Variants in WWOX observed in about 807,000 individuals in gnomAD.
The protein encoded by WWOX is WW domain-containing oxidoreductase.
WWOX carries 69 observed loss-of-function variants against 46.2 expected under a neutral mutation model. That is an observed-to-expected ratio of 1.49 (90% CI 1.23 to 1.82). The LOEUF is 1.82. WWOX is among the 40% of genes most tolerant of loss of function. The pLI is 0.00. For missense variants in WWOX, 919 were observed against 542.6 expected, an observed-to-expected ratio of 1.69 and a Z score of -6.89; for synonymous variants, 359 against 202.6, an observed-to-expected ratio of 1.77 and a Z score of -6.56.
chr16:79,009,856 C>T (rs1469136), intron 8 of WWOX, among the ~76,000 whole-genome samples: 2 of 152,102 alleles, frequency 1.3e-5, no homozygotes, highest in Non-Finnish European at 2.9e-5. Flanking sequence ...TCGACCTCAT[C>T]TGGGAAGGTG....
chr16:78,795,857 T>G (rs190362798), intron 8 of WWOX, among the ~76,000 whole-genome samples: 10 of 152,240 alleles, frequency 6.6e-5, no homozygotes, highest in Admixed American at 2.6e-4. Context: ...GAGTACCCAA[T>G]AAATGCAATA....
At chr16:78,235,111 A>G (rs1186431968) in intron 5 of WWOX, among the ~76,000 whole-genome samples, 1 of 152,168 alleles carries the variant, frequency 6.6e-6, no homozygotes, top group Admixed American at 6.5e-5. Context: ...ATGGAGGGAA[A>G]TATCATAAAT....
chr16:78,691,248 G>C (rs574735371), intron 8 of WWOX: 3 of 702,128 alleles, frequency 4.3e-6, no homozygotes, highest in African/African-American at 1.7e-5. Context: ...CCAGGTTTCA[G>C]ACTGCCTGGT....
intron 8 of WWOX, among the ~76,000 whole-genome samples, chr16:78,936,913 C>G (rs559493434): frequency 2.0e-5 from 3 of 152,188 alleles, no homozygotes; most frequent in African/African-American, 4.8e-5. Context: ...CCAAGAGAAG[C>G]AAGGAGTTTT....
intron 8 of WWOX, among the ~76,000 whole-genome samples, chr16:78,869,226 C>A (rs1038534710): frequency 6.6e-6 from 1 of 152,114 alleles, no homozygotes; most frequent in Admixed American, 6.6e-5. Context: ...GTCCAAGCCT[C>A]CCTGAAGCAG....
intron 8 of WWOX, among the ~76,000 whole-genome samples, chr16:78,869,055 C>G (rs546645202): frequency 3.3e-5 from 5 of 152,290 alleles, no homozygotes; most frequent in South Asian, 4.1e-4. Context: ...GTAGTCCTAT[C>G]ATTCAGAGAT....
chr16:79,132,209 T>A (rs151226711), intron 8 of WWOX, among the ~76,000 whole-genome samples: 465 of 151,996 alleles, frequency 3.1e-3, no homozygotes, highest in African/African-American at 0.011. Flanking sequence ...AAAGCAATCA[T>A]ATTTAAATCA....
intron 8 of WWOX, among the ~76,000 whole-genome samples, chr16:79,046,582 G>T (rs1313929632): frequency 6.6e-6 from 1 of 152,114 alleles, no homozygotes; most frequent in Non-Finnish European, 1.5e-5. Context: ...GCTCACCGGG[G>T]AGTGTTTCTC....
chr16:78,906,380 C>G (rs2044964808), intron 8 of WWOX, among the ~76,000 whole-genome samples: 1 of 152,152 alleles, frequency 6.6e-6, no homozygotes, highest in Admixed American at 6.5e-5. Context: ...CAAATATAGC[C>G]TGATAAGGAT....
At chr16:78,747,168 G>A (rs1054097254) in intron 8 of WWOX, among the ~76,000 whole-genome samples, 2 of 151,112 alleles carry the variant, frequency 1.3e-5, no homozygotes, top group African/African-American at 4.9e-5. Flanking sequence ...TGGGAAGAGT[G>A]GTGGGGGGCA....
chr16:79,193,835 T>C lies in WWOX; in HGVS notation c.1057-17773T>C, dbSNP rs374640660. Among the ~76,000 whole-genome samples, 231 of 152,210 alleles carry C rather than the reference T, an allele frequency of 1.5e-3. 1 individual carries two copies. The highest frequency in any genetic ancestry group is 5.4e-3 in the African/African-American group (224 of 41,536). ...AATCAGTAGACAGACAAGATTGTGG[T>C]TTAACGAGTTCAGGGACAAGAGAAG... On this transcript the variant is annotated intron_variant, in intron 8 of 8. Coordinates refer to ENST00000566780, the MANE Select transcript of WWOX (RefSeq NM_016373.4).
chr16:78,453,389 C>G (rs1231408699), intron 8 of WWOX, among the ~76,000 whole-genome samples: 1 of 150,670 alleles, frequency 6.6e-6, no homozygotes, highest in Non-Finnish European at 1.5e-5. Flanking sequence ...CGCCACAGCA[C>G]TTCAGCCTGG....
intron 5 of WWOX, among the ~76,000 whole-genome samples, chr16:78,229,381 C>G (rs140282797): frequency 9.9e-4 from 149 of 151,006 alleles, no homozygotes; most frequent in African/African-American, 3.3e-3. Flanking sequence ...TTCTTTTTAA[C>G]TCAAGAAGCC....
At chr16:79,048,358 C>T (rs1281171657) in intron 8 of WWOX, among the ~76,000 whole-genome samples, 1 of 152,020 alleles carries the variant, frequency 6.6e-6, no homozygotes, top group Non-Finnish European at 1.5e-5. Context: ...ACCTGGACTG[C>T]CACTCTACCT....
intron 8 of WWOX, among the ~76,000 whole-genome samples, chr16:78,822,228 T>C (rs2051518613): frequency 6.6e-6 from 1 of 151,998 alleles, no homozygotes; most frequent in South Asian, 2.1e-4. Context: ...GTGTGGTGGC[T>C]TACCCCTGTA....
chr16:78,472,836 A>AAAAAAAAAAAAAT (rs1421843878), intron 8 of WWOX, among the ~76,000 whole-genome samples: 1 of 135,532 alleles, frequency 7.4e-6, no homozygotes, highest in Non-Finnish European at 1.6e-5. Flanking sequence ...AAAAAAAAAA[A>AAAAAAAAAAAAAT]TTATGTCATT....
intron 8 of WWOX, among the ~76,000 whole-genome samples, chr16:78,753,506 T>G (rs1211451645): frequency 1.3e-5 from 2 of 151,626 alleles, no homozygotes; most frequent in Non-Finnish European, 2.9e-5. Flanking sequence ...ATAGCCTTCT[T>G]AAATAAAACT....
At chr16:78,893,193 GA>G (rs1052640606) in intron 8 of WWOX, among the ~76,000 whole-genome samples, 4,342 of 144,220 alleles carry the variant, frequency 0.03, 100 homozygotes, top group African/African-American at 0.063. Flanking sequence ...ACTATAGCTA[GA>G]AAAAAAAAAA....
intron 8 of WWOX, among the ~76,000 whole-genome samples, chr16:79,054,847 A>G (rs557650531): frequency 1.3e-5 from 2 of 152,328 alleles, no homozygotes; most frequent in South Asian, 4.1e-4. Flanking sequence ...AAGAAAAATC[A>G]TAAAAGGGAG....
Sources: gnomAD v4.1 joint callset for allele counts (sites outside exome capture counted in the v4.1 genomes callset) on GRCh38, gnomAD v4.1.1 for gene constraint, MANE v1.5 for transcripts, NCBI Gene and HGNC (gene_info 2026-07-23, HGNC 2026-07-21) for gene names.